PLCL1: variants seen among roughly 807,000 people sequenced by gnomAD.
PLCL1 encodes inactive phospholipase C-like protein 1.
Under a neutral mutation model 84.4 loss-of-function variants are expected in PLCL1, and 41 were observed. That is an observed-to-expected ratio of 0.49 (90% confidence interval 0.38 to 0.63). PLCL1 has a LOEUF of 0.63. Ranked by LOEUF, PLCL1 falls within the 30% of genes least tolerant of loss-of-function variation. PLCL1 has a pLI of 0.00. For missense variants in PLCL1, 1,206 were observed against 1,367.8 expected, an observed-to-expected ratio of 0.88 and a Z score of 1.87; for synonymous variants, 490 against 488.3, an observed-to-expected ratio of 1.00 and a Z score of -0.05.
chr2:198,094,187 C>G (rs1316624764), intron 3 of PLCL1, among the ~76,000 whole-genome samples: 1 of 151,978 alleles, frequency 6.6e-6, no homozygotes, highest in African/African-American at 2.4e-5. Context: ...TCCGCCTCCC[C>G]AGTAGCTGGG....
At chr2:197,924,702 G>T (rs1341176706) in intron 1 of PLCL1, among the ~76,000 whole-genome samples, 2 of 151,858 alleles carry the variant, frequency 1.3e-5, no homozygotes, top group East Asian at 3.9e-4. Flanking sequence ...GTCAGCACAG[G>T]GAGAGCAACA....
At chr2:197,828,342 G>C (rs781591938) in intron 1 of PLCL1, among the ~76,000 whole-genome samples, 1 of 152,014 alleles carries the variant, frequency 6.6e-6, no homozygotes. Flanking sequence ...AATTACCTTT[G>C]AGTTCAAAAC....
Position 198,083,896 on chromosome 2 carries a change from A to C in PLCL1, c.379A>C (p.Asn127His). 6.2e-7 allele frequency: 1 copy of C among 1,614,160 alleles called. No homozygotes were observed. The highest frequency in any genetic ancestry group is 1.3e-5 in the African/African-American group (1 of 75,056). Reference protein sequence around the residue: ...AGCELKKVRPNSRIYNRFFTL... With the variant: ...AGCELKKVRPHSRIYNRFFTL... ...CTGTGAGTTGAAGAAAGTCCGGCCAAATTCTCGCATTTACAACCGTTTTTT... is the reference window on the plus strand; with the variant it reads ...CTGTGAGTTGAAGAAAGTCCGGCCACATTCTCGCATTTACAACCGTTTTTT... Residue 127 changes from asparagine to histidine, a missense_variant, in exon 2 of 6, where the codon AAT becomes CAT. Asn to His is a moderately conservative substitution (Grantham distance 68, BLOSUM62 1). Coordinates refer to ENST00000428675, the MANE Select transcript of PLCL1 (RefSeq NM_006226.4).
In PLCL1 at chr2:197,815,061, C is replaced by T. The variant is rs144447422; in HGVS notation, c.240+9722C>T. 2.5e-3 allele frequency among the ~76,000 whole-genome samples: 386 copies of T among 151,966 alleles called. 1 individual carries two copies. Among genetic ancestry groups the T allele is most frequent in the African/African-American group, 8.9e-3 (367 of 41,302 alleles). ...CTCCAGGAAATCTAGCAGAGATTAT[C>T]GATGAAGCCGGCTACACTAAAAAAC... On this transcript the variant is annotated intron_variant, in intron 1 of 5. Coordinates refer to ENST00000428675, the MANE Select transcript of PLCL1 (RefSeq NM_006226.4).
intron 1 of PLCL1, among the ~76,000 whole-genome samples, chr2:197,830,092 A>C (rs576686480): frequency 6.6e-6 from 1 of 152,234 alleles, no homozygotes; most frequent in Admixed American, 6.5e-5. Flanking sequence ...TGAAAATTCC[A>C]AAAACCAGAA....
chr2:198,097,205 G>A (rs915970051), intron 3 of PLCL1, among the ~76,000 whole-genome samples: 3 of 152,164 alleles, frequency 2.0e-5, no homozygotes, highest in Non-Finnish European at 2.9e-5. Flanking sequence ...TATTCTTGGG[G>A]TATGGAAACT....
intron 1 of PLCL1, among the ~76,000 whole-genome samples, chr2:197,961,538 T>G (rs1160311645): frequency 1.3e-5 from 2 of 152,008 alleles, no homozygotes; most frequent in Non-Finnish European, 2.9e-5. Flanking sequence ...TTAATACTAG[T>G]TTTGTGCTTC....
chr2:198,130,938 CT>C (rs1694105353), intron 5 of PLCL1, among the ~76,000 whole-genome samples: 1 of 152,132 alleles, frequency 6.6e-6, no homozygotes, highest in Non-Finnish European at 1.5e-5. Context: ...GCCATTCTCC[CT>C]TCCTAAAGCC....
intron 5 of PLCL1, among the ~76,000 whole-genome samples, chr2:198,143,923 C>T (rs1315307086): frequency 6.6e-6 from 1 of 151,128 alleles, no homozygotes; most frequent in African/African-American, 2.4e-5. Flanking sequence ...CTATATGGTA[C>T]AGCCAGTGTG....
chr2:197,945,112 A>G (rs765316741), intron 1 of PLCL1, among the ~76,000 whole-genome samples: 7 of 152,224 alleles, frequency 4.6e-5, no homozygotes, highest in Non-Finnish European at 1.0e-4. Context: ...AATTTATAGC[A>G]TAAGATCCTG....
At chr2:197,857,429 G>A (rs1357809697) in intron 1 of PLCL1, among the ~76,000 whole-genome samples, 1 of 152,126 alleles carries the variant, frequency 6.6e-6, no homozygotes, top group Non-Finnish European at 1.5e-5. Flanking sequence ...GATAGGCATA[G>A]GTACACTGAA....
At chr2:197,885,179 T>C (rs952428245) in intron 1 of PLCL1, among the ~76,000 whole-genome samples, 1 of 152,232 alleles carries the variant, frequency 6.6e-6, no homozygotes, top group African/African-American at 2.4e-5. Context: ...GGGTTCTCCA[T>C]AGAAAGATAA....
At chr2:197,958,064 C>T (rs1178454709) in intron 1 of PLCL1, among the ~76,000 whole-genome samples, 1 of 152,020 alleles carries the variant, frequency 6.6e-6, no homozygotes, top group Non-Finnish European at 1.5e-5. Flanking sequence ...CATGTGGCTT[C>T]CCTTGTCTAG....
intron 1 of PLCL1, among the ~76,000 whole-genome samples, chr2:197,988,041 A>G (rs1411947706): frequency 6.6e-6 from 1 of 152,064 alleles, no homozygotes; most frequent in Non-Finnish European, 1.5e-5. Flanking sequence ...AAGAGCAGTG[A>G]TCGGTATTGC....
At chr2:198,116,884 T>C (rs1187457005) in intron 5 of PLCL1, among the ~76,000 whole-genome samples, 2 of 151,896 alleles carry the variant, frequency 1.3e-5, no homozygotes, top group Non-Finnish European at 2.9e-5. Context: ...TGAGTGTTTA[T>C]TTAAAAGATA....
chr2:197,984,002 A>G (rs1160023838), intron 1 of PLCL1, among the ~76,000 whole-genome samples: 1 of 152,210 alleles, frequency 6.6e-6, no homozygotes, highest in African/African-American at 2.4e-5. Flanking sequence ...CTTCAAGGGA[A>G]GCATAACTGA....
rs534079122 is a variant in PLCL1, at chr2:197,930,218, C to A, written c.240+124879C>A. Among the ~76,000 whole-genome samples the A allele has an allele frequency of 2.0e-5, 3 of 152,300 alleles. No individual in the cohort carries two copies. In the South Asian group the frequency reaches 6.2e-4, roughly 32 times the overall value. On this transcript the variant is annotated intron_variant, in intron 1 of 5. Coordinates refer to ENST00000428675, the MANE Select transcript of PLCL1 (RefSeq NM_006226.4). ...CTTTCATAAGACTTACCACATATCC[C>A]AACCTCCCACTTTAAATAGACGTTT...
At chr2:198,032,325 T>A (rs1356955595) in intron 1 of PLCL1, among the ~76,000 whole-genome samples, 1 of 151,716 alleles carries the variant, frequency 6.6e-6, no homozygotes, top group Non-Finnish European at 1.5e-5. Context: ...TCAAAATAAA[T>A]GAGAATAATA....
chr2:197,876,162 C>T (rs1048276602), intron 1 of PLCL1, among the ~76,000 whole-genome samples: 8 of 152,142 alleles, frequency 5.3e-5, no homozygotes, highest in African/African-American at 1.4e-4. Context: ...ATTCAACAAA[C>T]GTTTCTGAGC....
Sources: gnomAD v4.1 joint callset for allele counts (sites outside exome capture counted in the v4.1 genomes callset) on GRCh38, gnomAD v4.1.1 for gene constraint, MANE v1.5 for transcripts, NCBI Gene and HGNC (gene_info 2026-07-23, HGNC 2026-07-21) for gene names.